ARK2C: variants seen among roughly 807,000 people sequenced by gnomAD.
The protein encoded by ARK2C is E3 ubiquitin-protein ligase ARK2C.
At chr18:46,351,144 G>T in the ARK2C span, among the ~76,000 whole-genome samples, 1 of 152,236 alleles carries the variant, frequency 6.6e-6, no homozygotes, top group South Asian at 2.1e-4. Flanking sequence ...TCTTTGCTGG[G>T]AGGAGGCCCT....
At chr18:46,356,207 AATCC>A in the ARK2C span, among the ~76,000 whole-genome samples, 1 of 152,244 alleles carries the variant, frequency 6.6e-6, no homozygotes, top group Non-Finnish European at 1.5e-5. Context: ...TGCAAATGTC[AATCC>A]GTGACCAGCC....
At chr18:46,410,816 T>C in the ARK2C span, among the ~76,000 whole-genome samples, 35,483 of 152,206 alleles carry the variant, frequency 0.23, 4,397 homozygotes, top group East Asian at 0.4. Flanking sequence ...GTTTCTTCAA[T>C]TGTCCAGGCT....
the ARK2C span, among the ~76,000 whole-genome samples, chr18:46,369,544 A>C: frequency 6.6e-6 from 1 of 152,122 alleles, no homozygotes; most frequent in African/African-American, 2.4e-5. Flanking sequence ...CTGGTCAGTG[A>C]GGTGTTGCTT....
chr18:46,347,143 G>T, the ARK2C span, among the ~76,000 whole-genome samples: 1 of 152,166 alleles, frequency 6.6e-6, no homozygotes, highest in African/African-American at 2.4e-5. Flanking sequence ...CGAGGAGGAA[G>T]AGCTGTAGCT....
chr18:46,408,947 G>A, the ARK2C span, among the ~76,000 whole-genome samples: 1 of 152,206 alleles, frequency 6.6e-6, no homozygotes, highest in Non-Finnish European at 1.5e-5. Context: ...TTGCCTAGCT[G>A]CCCGCAGGAC....
chr18:46,450,595 G>A, the ARK2C span: 10 of 878,930 alleles, frequency 1.1e-5, no homozygotes, highest in Admixed American at 2.0e-5. Flanking sequence ...CTTCCTGATA[G>A]CTATGTGAAT....
the ARK2C span, chr18:46,433,578 G>T: frequency 7.5e-7 from 1 of 1,330,478 alleles, no homozygotes; most frequent in South Asian, 1.5e-5. Context: ...GGCGTGGGCA[G>T]GGCCAGGACG....
chr18:46,435,417 G>GGGGAGGAA, the ARK2C span: 732 of 1,566,830 alleles, frequency 4.7e-4, 13 homozygotes, highest in South Asian at 7.8e-3. Flanking sequence ...AGGGCCCCTG[G>GGGGAGGAA]GGGAGGAAGG....
At chr18:46,448,938 T>C in the ARK2C span, among the ~76,000 whole-genome samples, 1 of 152,190 alleles carries the variant, frequency 6.6e-6, no homozygotes, top group Non-Finnish European at 1.5e-5. Flanking sequence ...CTTATTTGTA[T>C]AATAAGGAGC....
At chr18:46,450,314 A>G in the ARK2C span, 1 of 1,613,966 alleles carries the variant, frequency 6.2e-7, no homozygotes, top group East Asian at 2.2e-5. Flanking sequence ...TGAAATCCGA[A>G]ACTACCCTTA....
the ARK2C span, among the ~76,000 whole-genome samples, chr18:46,353,074 G>A: frequency 1.1e-4 from 17 of 152,318 alleles, no homozygotes; most frequent in Non-Finnish European, 2.1e-4. Context: ...TCAAACCACC[G>A]GCCTGTGGCG....
chr18:46,381,099 G>A, the ARK2C span, among the ~76,000 whole-genome samples: 3 of 152,240 alleles, frequency 2.0e-5, no homozygotes, highest in Admixed American at 6.5e-5. Flanking sequence ...CTGTAAAATA[G>A]GGACAAGGCT....
chr18:46,439,664 T>C, the ARK2C span, among the ~76,000 whole-genome samples: 1 of 152,058 alleles, frequency 6.6e-6, no homozygotes, highest in South Asian at 2.1e-4. Flanking sequence ...AACTTGGAGA[T>C]AGTGGATGTT....
At chr18:46,433,379 C>G in the ARK2C span, 1 of 1,613,374 alleles carries the variant, frequency 6.2e-7, no homozygotes, top group Non-Finnish European at 8.5e-7. Flanking sequence ...TCGCTGACCC[C>G]GCTGCCCACC....
the ARK2C span, among the ~76,000 whole-genome samples, chr18:46,396,920 G>GC: frequency 6.6e-6 from 1 of 152,240 alleles, no homozygotes; most frequent in Non-Finnish European, 1.5e-5. Context: ...GTCACATCCA[G>GC]CTGTGCCTGG....
the ARK2C span, among the ~76,000 whole-genome samples, chr18:46,413,463 C>A: frequency 1.3e-5 from 2 of 152,238 alleles, no homozygotes. Context: ...TCCTACAGAG[C>A]TCTGCAGGCT....
chr18:46,385,027 A>T, the ARK2C span, among the ~76,000 whole-genome samples: 4 of 152,094 alleles, frequency 2.6e-5, no homozygotes, highest in African/African-American at 7.2e-5. Flanking sequence ...CCCCTCAAAG[A>T]TTTCCAGAGT....
At chr18:46,375,334 C>T in the ARK2C span, among the ~76,000 whole-genome samples, 6 of 152,064 alleles carry the variant, frequency 3.9e-5, no homozygotes, top group African/African-American at 1.4e-4. Flanking sequence ...GGGTGGGTCA[C>T]TTGAGCCCAG....
the ARK2C span, chr18:46,455,835 AAAAAC>A: frequency 8.3e-6 from 5 of 603,064 alleles, no homozygotes; most frequent in African/African-American, 3.7e-5. Flanking sequence ...AATCAGTCTC[AAAAAC>A]AAAACAAAAC....
Sources: gnomAD v4.1 joint callset for allele counts (sites outside exome capture counted in the v4.1 genomes callset) on GRCh38, gnomAD v4.1.1 for gene constraint, MANE v1.5 for transcripts, NCBI Gene and HGNC (gene_info 2026-07-23, HGNC 2026-07-21) for gene names.